DNAH11: variants seen among roughly 807,000 people sequenced by gnomAD.
DNAH11 encodes axonemal beta dynein heavy chain 11.
DNAH11 carries 442 observed loss-of-function variants against 526.0 expected under a neutral mutation model. The observed-to-expected ratio is 0.84, with a 90% CI of 0.78 to 0.91. The LOEUF is 0.91. Ranked by LOEUF, DNAH11 falls within the 40% of genes least tolerant of loss-of-function variation. The probability of loss-of-function intolerance (pLI) is 0.00; values close to 1 mark genes in which losing one functional copy is unlikely to be tolerated. For missense variants in DNAH11, 6,989 were observed against 5,448.7 expected (o/e 1.28, Z -8.90); for synonymous variants, 2,461 against 1,935.9 (o/e 1.27, Z -7.12).
At chr7:21,692,984 G>A (rs77179429) in intron 35 of DNAH11, among the ~76,000 whole-genome samples, 5,078 of 152,188 alleles carry the variant, frequency 0.033, 191 homozygotes, top group African/African-American at 0.1. Context: ...GTGAAAAGCC[G>A]TATTCTGCAT....
intron 18 of DNAH11, 59 bp downstream of exon 18, chr7:21,601,677 G>C: frequency 7.7e-7 from 1 of 1,295,792 alleles, no homozygotes; most frequent in Non-Finnish European, 1.0e-6. Context: ...TTTTATTAAA[G>C]TACTTTACAT....
chr7:21,823,262 A>G (rs1018824401), intron 65 of DNAH11, among the ~76,000 whole-genome samples: 1 of 152,100 alleles, frequency 6.6e-6, no homozygotes, highest in Non-Finnish European at 1.5e-5. Context: ...CCATTTTACC[A>G]GTCTAACTCT....
At chr7:21,853,925 G>A (rs866317682) in intron 67 of DNAH11, among the ~76,000 whole-genome samples, 1 of 152,158 alleles carries the variant, frequency 6.6e-6, no homozygotes, top group Non-Finnish European at 1.5e-5. Flanking sequence ...GCCTAATGAA[G>A]TTATTGGCAT....
intron 54 of DNAH11, among the ~76,000 whole-genome samples, chr7:21,762,066 T>C (rs1423164409): frequency 2.0e-5 from 3 of 152,058 alleles, no homozygotes; most frequent in Non-Finnish European, 4.4e-5. Flanking sequence ...AAAACCATCA[T>C]ATCTCATGAG....
At chr7:21,665,560 C>T (rs1483032021) in intron 30 of DNAH11, among the ~76,000 whole-genome samples, 2 of 152,036 alleles carry the variant, frequency 1.3e-5, no homozygotes, top group Admixed American at 6.6e-5. Context: ...TGTTCTCATT[C>T]TTATAAAATT....
rs1254254465 is a variant in DNAH11 at position 21,571,803 on chromosome 7, A to C, written c.1426-3A>C. ...AAAGGTCTTTACTGTGTTTTTTACAAAGGATATATTTGCCACCACTTTGGA... is the reference window on the plus strand; with the variant it reads ...AAAGGTCTTTACTGTGTTTTTTACACAGGATATATTTGCCACCACTTTGGA... On this transcript the variant is annotated splice_region_variant and splice_polypyrimidine_tract_variant and intron_variant, in intron 7 of 81. Coordinates refer to ENST00000409508, the MANE Select transcript of DNAH11 (RefSeq NM_001277115.2). 1 of 1,604,672 alleles carries C rather than the reference A, an allele frequency of 6.2e-7. No homozygotes were observed. Among genetic ancestry groups the C allele is most frequent in the Admixed American group, 1.7e-5 (1 of 57,886 alleles).
chr7:21,663,973 T>A (rs1388892953), intron 30 of DNAH11, among the ~76,000 whole-genome samples: 4 of 151,984 alleles, frequency 2.6e-5, no homozygotes, highest in African/African-American at 9.7e-5. Context: ...ATATGGTAAT[T>A]CTATTTTTAA....
chr7:21,650,096 T>A (rs562962455), intron 28 of DNAH11, among the ~76,000 whole-genome samples: 6 of 152,084 alleles, frequency 3.9e-5, no homozygotes, highest in South Asian at 4.2e-4. Context: ...AAGTTTATTT[T>A]AAAAAAAACC....
At chr7:21,889,623 T>C (rs772275705) in intron 76 of DNAH11, among the ~76,000 whole-genome samples, 3 of 152,246 alleles carry the variant, frequency 2.0e-5, no homozygotes, top group Non-Finnish European at 4.4e-5. Context: ...CATTACAGTT[T>C]TGACTTGCAT....
intron 36 of DNAH11, 35 bp from the exon 37 acceptor site, chr7:21,702,675 C>T (rs760908260): frequency 6.3e-7 from 1 of 1,582,090 alleles, no homozygotes; most frequent in Non-Finnish European, 8.7e-7. Flanking sequence ...TTCCCTCATA[C>T]AATTTTTGAG....
At chr7:21,665,501 A>C (rs964923646) in intron 30 of DNAH11, among the ~76,000 whole-genome samples, 11 of 152,128 alleles carry the variant, frequency 7.2e-5, no homozygotes, top group Non-Finnish European at 1.2e-4. Flanking sequence ...AGTGTATAAG[A>C]AGTGTCCACT....
intron 41 of DNAH11, among the ~76,000 whole-genome samples, 196 bp downstream of exon 41, chr7:21,710,899 T>C (rs1583616995): frequency 6.6e-6 from 1 of 152,228 alleles, no homozygotes; most frequent in East Asian, 1.9e-4. Flanking sequence ...TATGTTCTCT[T>C]TGTTTCTTTG....
intron 56 of DNAH11, among the ~76,000 whole-genome samples, chr7:21,776,180 C>T (rs1286236062): frequency 6.6e-6 from 1 of 152,184 alleles, no homozygotes. Flanking sequence ...GGTCTCTTTA[C>T]TTCCCCTTAG....
rs958623389 is a variant in DNAH11 at position 21,867,927 on chromosome 7, T to C, written c.11759T>C (p.Phe3920Ser). 3 of 1,577,494 alleles carry C rather than the reference T, an allele frequency of 1.9e-6. No individual in the cohort carries two copies. In the African/African-American group the frequency reaches 4.0e-5, roughly 21 times the overall value. Residue 3920 changes from phenylalanine (F) to serine (S), a missense_variant, in exon 72 of 82, where the codon TTC (phenylalanine) becomes TCC (serine). Coordinates refer to ENST00000409508, the MANE Select transcript of DNAH11 (RefSeq NM_001277115.2). ...ERTRLDLVKAFEESSPATPIF... is the reference protein window; with the variant it reads ...ERTRLDLVKASEESSPATPIF... Reference sequence around the variant, plus strand: ...ACCAGATTGGACTTAGTTAAAGCATTCGAAGAAAGCAGCCCAGCCACCCCC... The same window carrying C: ...ACCAGATTGGACTTAGTTAAAGCATCCGAAGAAAGCAGCCCAGCCACCCCC...
intron 65 of DNAH11, among the ~76,000 whole-genome samples, chr7:21,834,313 G>T (rs1474419035): frequency 6.6e-6 from 1 of 152,050 alleles, no homozygotes; most frequent in African/African-American, 2.4e-5. Flanking sequence ...AAGAAAAATG[G>T]AAGCACATAC....
At chr7:21,726,304 A>C (rs1053189168) in intron 45 of DNAH11, among the ~76,000 whole-genome samples, 1 of 152,026 alleles carries the variant, frequency 6.6e-6, no homozygotes, top group East Asian at 1.9e-4. Context: ...ATGGTGCTAA[A>C]CCATTTATGA....
At chr7:21,593,978 C>T (rs1348872838) in intron 14 of DNAH11, among the ~76,000 whole-genome samples, 2 of 151,424 alleles carry the variant, frequency 1.3e-5, no homozygotes, top group African/African-American at 4.9e-5. Flanking sequence ...GTCACATACT[C>T]TCACACACAG....
At chr7:21,564,820 A>G (rs1205297293) in intron 6 of DNAH11, among the ~76,000 whole-genome samples, 1 of 152,170 alleles carries the variant, frequency 6.6e-6, no homozygotes, top group African/African-American at 2.4e-5. Flanking sequence ...TTGTATTGAA[A>G]AAATTCTGAT....
chr7:21,774,278 G>T (rs1265300641), intron 56 of DNAH11, among the ~76,000 whole-genome samples: 1 of 152,096 alleles, frequency 6.6e-6, no homozygotes, highest in Non-Finnish European at 1.5e-5. Flanking sequence ...TGCCTCTCTT[G>T]TCTCTGACTT....
Sources: allele counts gnomAD v4.1 joint callset (sites outside exome capture counted in the v4.1 genomes callset), GRCh38; gene constraint gnomAD v4.1.1; transcripts MANE v1.5; gene names NCBI Gene and HGNC (gene_info 2026-07-23, HGNC 2026-07-21).